THTPA: variants seen among roughly 807,000 people sequenced by gnomAD.
THTPA encodes thiamine triphosphatase, also known as thiamine-triphosphatase.
Under a neutral mutation model 16.5 loss-of-function variants are expected in THTPA, and 16 were observed. The observed-to-expected ratio is 0.97, with a 90% CI of 0.66 to 1.47. The LOEUF (loss-of-function observed/expected upper bound fraction) is 1.47. Among genes scored for constraint, THTPA ranks in the 40% most tolerant of loss-of-function variants. The pLI is 0.00. For missense variants in THTPA, 281 were observed against 280.9 expected, an observed-to-expected ratio of 1.00 and a Z score of 0.00; for synonymous variants, 110 against 115.5, an observed-to-expected ratio of 0.95 and a Z score of 0.30.
Position 23,558,677 on chromosome 14 carries a change from T to C in THTPA, c.548-18T>C, listed in dbSNP as rs1882874683. 1 of 1,614,104 alleles carries C rather than the reference T, an allele frequency of 6.2e-7. No homozygotes were observed. The highest frequency in any genetic ancestry group is 1.1e-5 in the South Asian group (1 of 91,082). Reference sequence around the variant, plus strand: ...GTGGCTCTGTCCATTTCTCTCCTCATTGTCCTTTTACCTGTAGGTGTGCCT... The same window carrying C: ...GTGGCTCTGTCCATTTCTCTCCTCACTGTCCTTTTACCTGTAGGTGTGCCT... On this transcript the variant is annotated intron_variant, in intron 1 of 1. Transcript: ENST00000288014.
At chr14:23,534,098 C>T in the THTPA span, 36 of 1,495,934 alleles carry the variant, frequency 2.4e-5, no homozygotes, top group African/African-American at 6.9e-5. This position sits in a 1 kb window ranked among gnomAD's most constrained non-coding sequence, Gnocchi z 4.5. Context: ...CTGGGGTCTT[C>T]GGGGGAGCCC....
chr14:23,526,985 A>G, the THTPA span: 1 of 1,498,046 alleles, frequency 6.7e-7, no homozygotes, highest in Non-Finnish European at 8.9e-7. Flanking sequence ...TGCAATGAGA[A>G]AAAGCCTAGT....
the THTPA span, chr14:23,528,695 C>A: frequency 2.0e-6 from 2 of 985,414 alleles, no homozygotes; most frequent in Non-Finnish European, 2.4e-6. Context: ...TTCCATCTTT[C>A]TTTTTCCTTC....
the THTPA span, among the ~76,000 whole-genome samples, chr14:23,538,479 CT>C: frequency 1.3e-5 from 2 of 152,096 alleles, no homozygotes; most frequent in Non-Finnish European, 2.9e-5. Flanking sequence ...CGCTAGGTCC[CT>C]TTCTTTGCCC....
the THTPA span, chr14:23,533,156 G>T: frequency 6.9e-7 from 1 of 1,457,496 alleles, no homozygotes; most frequent in Non-Finnish European, 9.0e-7. This position sits in a 1 kb window ranked among gnomAD's most constrained non-coding sequence, Gnocchi z 4.8. Flanking sequence ...TGGGGAGGTG[G>T]GTTAATGAGT....
chr14:23,530,335 A>G, the THTPA span: 1 of 735,234 alleles, frequency 1.4e-6, no homozygotes, highest in Non-Finnish European at 2.4e-6. Context: ...GAGTATGAAA[A>G]GCCAACAAAA....
At chr14:23,534,213 C>A in the THTPA span, 1 of 1,500,200 alleles carries the variant, frequency 6.7e-7, no homozygotes, top group South Asian at 1.3e-5. The surrounding 1 kb of genome is among the most constrained non-coding windows in gnomAD (Gnocchi z 4.5). Context: ...ACCAATCTGG[C>A]CCTGCCTCGC....
chr14:23,527,085 C>A, the THTPA span: 10 of 1,381,226 alleles, frequency 7.2e-6, no homozygotes, highest in South Asian at 1.6e-4. Context: ...TGCCACAGAT[C>A]CAGCCTCCTG....
the THTPA span, chr14:23,531,910 G>A: frequency 1.4e-6 from 1 of 699,462 alleles, no homozygotes; most frequent in Non-Finnish European, 2.0e-6. Context: ...CCGAGTAGCT[G>A]GGATTACAGG....
the THTPA span, among the ~76,000 whole-genome samples, chr14:23,549,133 A>T: frequency 6.6e-6 from 1 of 151,862 alleles, no homozygotes; most frequent in Non-Finnish European, 1.5e-5. Flanking sequence ...GGAATATTCT[A>T]TCATTTCTCT....
rs955398020 is a variant in THTPA, at chr14:23,559,665, G to T, written c.*825G>T. ...TGCAAAGCCAGAGCGCCACCTGCTGGTAGCCCTCAGGTGTAGGTTCGAAGC... is the reference window on the plus strand; with the variant it reads ...TGCAAAGCCAGAGCGCCACCTGCTGTTAGCCCTCAGGTGTAGGTTCGAAGC... On this transcript the variant is annotated 3_prime_UTR_variant, in exon 2 of 2. Transcript: ENST00000288014. 2 of 1,267,840 alleles carry T rather than the reference G, an allele frequency of 1.6e-6. No individual in the cohort carries two copies. The highest frequency in any genetic ancestry group is 2.9e-5 in the African/African-American group (2 of 67,910). The allele number at this position is 1,267,840 out of a possible 1,614,324, so 78.5% of individuals were successfully genotyped here. A position where few individuals can be genotyped will look rare whatever the true frequency, so the allele number is the denominator to read the frequency against.
chr14:23,557,192 C>G lies in THTPA; in HGVS notation c.435C>G (p.Asp145Glu). 1.2e-6 allele frequency: 2 copies of G among 1,614,082 alleles called. No individual in the cohort carries two copies. The highest frequency in any genetic ancestry group is 8.5e-7 in the Non-Finnish European group (1 of 1,180,020). Residue 145 changes from aspartate to glutamate, a missense_variant, in exon 1 of 2, where the codon GAC (aspartate) becomes GAG (glutamate). Asp to Glu is a conservative substitution (Grantham distance 45). Transcript: ENST00000288014. Reference sequence around the variant, plus strand: ...AAGAGGAGCCACAGCTCAGGGTGGACTTGGATACAGCCGACTTTGGCTACG... The same window carrying G: ...AAGAGGAGCCACAGCTCAGGGTGGAGTTGGATACAGCCGACTTTGGCTACG... ...ADEEEPQLRV[D>E]LDTADFGYAV... is the part of the protein sequence containing the mutation.
the THTPA span, chr14:23,534,716 G>A: frequency 7.2e-6 from 11 of 1,536,186 alleles, no homozygotes; most frequent in South Asian, 7.1e-5. This position sits in a 1 kb window ranked among gnomAD's most constrained non-coding sequence, Gnocchi z 4.5. Context: ...AAAGCTCCAT[G>A]CCTTTCCTCA....
At chr14:23,512,120 A>T in the THTPA span, among the ~76,000 whole-genome samples, 728 of 152,154 alleles carry the variant, frequency 4.8e-3, 10 homozygotes, top group African/African-American at 0.017. Flanking sequence ...TAGGAATGTT[A>T]ATTAGCATCC....
chr14:23,530,099 G>GA, the THTPA span: 1 of 1,532,554 alleles, frequency 6.5e-7, no homozygotes, highest in Non-Finnish European at 8.7e-7. Flanking sequence ...GAGGACTGGG[G>GA]GGAAGGGAGG....
chr14:23,560,243 A>T lies in THTPA; in HGVS notation c.*1403A>T. 6.2e-7 allele frequency: 1 copy of T among 1,612,832 alleles called. No homozygotes were observed. Among genetic ancestry groups the T allele is most frequent in the Admixed American group, 1.7e-5 (1 of 59,994 alleles). On this transcript the variant is annotated 3_prime_UTR_variant, in exon 2 of 2. Coordinates refer to ENST00000288014, the MANE Select transcript of THTPA (RefSeq NM_024328.6). The stretch of plus-strand genomic sequence containing the variant: ...GTCCCCAGGCCACCTCTGAACTCTG[A>T]TCTTTACAAACCTTGGGCACAGCAG...
At chr14:23,525,658 G>T in the THTPA span, 2 of 1,535,360 alleles carry the variant, frequency 1.3e-6, no homozygotes, top group Non-Finnish European at 8.7e-7. This position sits in a 1 kb window ranked among gnomAD's most constrained non-coding sequence, Gnocchi z 5.9. Context: ...GCAATGGGTC[G>T]GGGGGTGAGG....
chr14:23,523,041 C>G, the THTPA span: 1 of 1,407,958 alleles, frequency 7.1e-7, no homozygotes, highest in South Asian at 1.7e-5. The surrounding 1 kb of genome is among the most constrained non-coding windows in gnomAD (Gnocchi z 4.1). Flanking sequence ...TTCCCAGCAC[C>G]GGATTTCCAT....
chr14:23,532,553 T>C, the THTPA span: 1 of 1,432,834 alleles, frequency 7.0e-7, no homozygotes, highest in South Asian at 1.5e-5. Flanking sequence ...TGGCCCTTCC[T>C]GACCCAGCCT....
Sources: gnomAD v4.1 joint callset for allele counts (sites outside exome capture counted in the v4.1 genomes callset) on GRCh38, gnomAD v4.1.1 for gene constraint, Gnocchi (gnomAD v3.1) non-coding constraint, MANE v1.5 for transcripts, NCBI Gene and HGNC (gene_info 2026-07-23, HGNC 2026-07-21) for gene names.